Variants in FREM1 observed in about 807,000 individuals in gnomAD.
FREM1 encodes FRAS1 related extracellular matrix 1, also known as FRAS1-related extracellular matrix protein 1.
FREM1 carries 220 observed loss-of-function variants against 210.1 expected under a neutral mutation model. The ratio of observed to expected loss-of-function variants is 1.05; its 90% CI spans 0.94 to 1.17. The LOEUF is 1.17. Among genes scored for constraint, FREM1 ranks in the 50% most tolerant of loss-of-function variants. The pLI is 0.00. For missense variants in FREM1, 3,454 were observed against 2,675.5 expected (o/e 1.29, Z -6.42); for synonymous variants, 1,189 against 980.2 (o/e 1.21, Z -3.98).
chr9:14,793,142 A>G (rs1389732), intron 21 of FREM1, among the ~76,000 whole-genome samples: 151,300 of 152,330 alleles, frequency 0.99, 75,145 homozygotes, highest in Middle Eastern at 1. Flanking sequence ...TACATGTACC[A>G]AACTTTACAA....
At chr9:14,900,557 C>T (rs1239587496) in intron 1 of FREM1, among the ~76,000 whole-genome samples, 1 of 151,922 alleles carries the variant, frequency 6.6e-6, no homozygotes, top group Non-Finnish European at 1.5e-5. Context: ...AAAAGCAAGA[C>T]CCAGTGTGGT....
intron 3 of FREM1, among the ~76,000 whole-genome samples, chr9:14,862,719 A>C (rs1418153909): frequency 6.6e-6 from 1 of 152,254 alleles, no homozygotes; most frequent in African/African-American, 2.4e-5. Context: ...ATTTCATACA[A>C]ATGGAACAAT....
At chr9:14,897,887 C>T (rs1037358415) in intron 1 of FREM1, among the ~76,000 whole-genome samples, 3 of 152,218 alleles carry the variant, frequency 2.0e-5, no homozygotes, top group Non-Finnish European at 4.4e-5. Context: ...AGCCATCAAG[C>T]CTAGCCAAGG....
intron 25 of FREM1, among the ~76,000 whole-genome samples, chr9:14,775,543 T>C (rs923640678): frequency 6.6e-6 from 1 of 151,496 alleles, no homozygotes; most frequent in Non-Finnish European, 1.5e-5. Context: ...GTGTCTCTAC[T>C]AAAAATGCAA....
rs773469926 is a variant in FREM1, at chr9:14,792,798, TC to T, written c.3925del (p.Glu1309ArgfsTer20). 1.4e-5 allele frequency: 23 copies of T among 1,607,472 alleles called. No individual in the cohort carries two copies. The South Asian group carries it at 2.6e-4, about 18-fold the overall frequency. On this transcript the variant is annotated frameshift_variant, in exon 22 of 37. Transcript: ENST00000380880. LOFTEE classifies it high-confidence loss of function. ...CCTTTCAAATACATAGTAAATCTTC[TC>T]CCTGGGTGAGTCTTCATCTATGGCT... Reference protein sequence around the residue: ...LSAIDEDSPREKIYYVFERLP... With the variant: ...LSAIDEDSPRXKIYYVFERLP...
At chr9:14,802,825 T>A (rs1817542924) in intron 19 of FREM1, among the ~76,000 whole-genome samples, 1 of 152,138 alleles carries the variant, frequency 6.6e-6, no homozygotes, top group African/African-American at 2.4e-5. Flanking sequence ...GGTCCATCAA[T>A]AACTATAACT....
At chr9:14,814,611 T>G (rs1432434563) in intron 15 of FREM1, among the ~76,000 whole-genome samples, 1 of 152,206 alleles carries the variant, frequency 6.6e-6, no homozygotes, top group African/African-American at 2.4e-5. Context: ...AAAACCATCT[T>G]TGTTCAAGTC....
chr9:14,858,704 G>T lies in FREM1; in HGVS notation c.631+479C>A, dbSNP rs150267592. On this transcript the variant is annotated intron_variant, in intron 4 of 36. Coordinates refer to ENST00000380880, the MANE Select transcript of FREM1 (RefSeq NM_001379081.2). ...TGATTGAGTGAATAGCAGAAGGAATGTTACCCATAAACTCTTCCTAATTTC... is the reference window on the plus strand; with the variant it reads ...TGATTGAGTGAATAGCAGAAGGAATTTTACCCATAAACTCTTCCTAATTTC... Among the ~76,000 whole-genome samples, 420 of 152,272 alleles carry T rather than the reference G, an allele frequency of 2.8e-3. 3 individuals carry two copies. Among genetic ancestry groups the T allele is most frequent in the African/African-American group, 9.6e-3 (399 of 41,548 alleles).
chr9:14,792,211 G>C (rs1356043511), intron 22 of FREM1, among the ~76,000 whole-genome samples: 1 of 150,564 alleles, frequency 6.6e-6, no homozygotes, highest in Non-Finnish European at 1.5e-5. Flanking sequence ...AATAATGAAA[G>C]TTTTCATTTT....
At chr9:14,857,775 A>G (rs1829060239) in intron 4 of FREM1, 26 bp from the exon 5 acceptor site, 1 of 1,513,120 alleles carries the variant, frequency 6.6e-7, no homozygotes, top group African/African-American at 1.4e-5. Flanking sequence ...CTGGATTAAG[A>G]GAGTCACTTA....
intron 6 of FREM1, 124 bp from the exon 7 acceptor site, chr9:14,848,897 T>G: frequency 2.0e-6 from 1 of 498,150 alleles, no homozygotes; most frequent in South Asian, 3.9e-5. Context: ...TTTCTGCAGT[T>G]CCCACATCTC....
chr9:14,784,574 G>A lies in FREM1; in HGVS notation c.4238C>T (p.Thr1413Ile), dbSNP rs200573582. 1 of 1,611,376 alleles carries A rather than the reference G, an allele frequency of 6.2e-7. No individual in the cohort carries two copies. Among genetic ancestry groups the A allele is most frequent in the South Asian group, 1.1e-5 (1 of 90,544 alleles). Residue 1413 changes from threonine to isoleucine, a missense_variant, in exon 24 of 37, where the codon ACA becomes ATA. Transcript: ENST00000380880. ...GTCCACAGCCAGGAGCGTGGTGGTT[G>A]TTAAGAAACCTCTATCACCTTTAGA... is the stretch of plus-strand genomic sequence containing the variant. Reference protein sequence around the residue: ...VVSKGDRGFLTTTTLLAVDGT... With the variant: ...VVSKGDRGFLITTTLLAVDGT...
intron 1 of FREM1, among the ~76,000 whole-genome samples, chr9:14,873,618 G>A (rs1833140308): frequency 1.3e-5 from 2 of 152,070 alleles, no homozygotes; most frequent in Admixed American, 6.6e-5. Context: ...AAAAAAACCA[G>A]ATCCTGGATT....
chr9:14,879,089 G>A (rs898960228), intron 1 of FREM1, among the ~76,000 whole-genome samples: 40 of 151,216 alleles, frequency 2.6e-4, no homozygotes, highest in Non-Finnish European at 5.0e-4. Flanking sequence ...CCTGGGAGGC[G>A]GAGGTTGCAG....
Position 14,775,978 on chromosome 9 carries a change from G to A in FREM1, c.4668C>T (p.Tyr1556=). 1.9e-6 allele frequency: 3 copies of A among 1,613,996 alleles called. No homozygotes were observed. Among genetic ancestry groups the A allele is most frequent in the Middle Eastern group, 3.3e-4 (2 of 6,062 alleles). The change falls in exon 25 of 37, where the codon TAC becomes TAT. Residue 1556 remains tyrosine, a synonymous_variant. Transcript: ENST00000380880. ...GTTGAAGTAGCCCTGTCCCCCACAGGTAGAGCTGGCCATGCTGGGGGAGCT... is the reference window on the plus strand; with the variant it reads ...GTTGAAGTAGCCCTGTCCCCCACAGATAGAGCTGGCCATGCTGGGGGAGCT... ...LVQLPQHGQL[Y]LWGTGLLQHN...
At chr9:14,863,661 C>T (rs912353372) in intron 3 of FREM1, 148 bp downstream of exon 3, 1 of 570,728 alleles carries the variant, frequency 1.8e-6, no homozygotes, top group Non-Finnish European at 3.1e-6. Flanking sequence ...CTTGCCTGAT[C>T]CACTCAGGCC....
intron 10 of FREM1, among the ~76,000 whole-genome samples, chr9:14,837,404 G>C (rs150846556): frequency 1.3e-5 from 2 of 151,324 alleles, no homozygotes; most frequent in Admixed American, 1.3e-4. Flanking sequence ...CTTCCTTCTT[G>C]CCCCGTCTTG....
intron 1 of FREM1, among the ~76,000 whole-genome samples, chr9:14,884,051 A>AAACCC (rs2132214081): frequency 6.6e-6 from 1 of 152,292 alleles, no homozygotes; most frequent in Non-Finnish European, 1.5e-5. Context: ...TAACACGGCG[A>AAACCC]AACCCTGCCT....
chr9:14,900,711 T>A lies in FREM1; in HGVS notation c.-268+9203A>T, dbSNP rs180909022. 7.2e-4 allele frequency among the ~76,000 whole-genome samples: 109 copies of A among 152,318 alleles called. 1 individual carries two copies. The highest frequency in any genetic ancestry group is 2.6e-3 in the African/African-American group (108 of 41,568). ...CGTTTCATTGGCAGCCTAGCTGGGA[T>A]GGCCATCCCTGGAAAGCCAGTCCCA... On this transcript the variant is annotated intron_variant, in intron 1 of 36. Transcript: ENST00000380880.
Sources: gnomAD v4.1 joint callset for allele counts (sites outside exome capture counted in the v4.1 genomes callset) on GRCh38, gnomAD v4.1.1 for gene constraint, MANE v1.5 for transcripts, NCBI Gene and HGNC (gene_info 2026-07-23, HGNC 2026-07-21) for gene names.